CSMD1: variants seen among roughly 807,000 people sequenced by gnomAD.
The protein encoded by CSMD1 is CUB and sushi domain-containing protein 1.
CSMD1 carries 213 observed loss-of-function variants against 417.5 expected under a neutral mutation model. That is an observed-to-expected ratio of 0.51 (90% CI 0.46 to 0.57). CSMD1 has a LOEUF of 0.57. Among genes scored for constraint, CSMD1 ranks in the 20% least tolerant of loss-of-function variants. The pLI is 0.00. For missense variants in CSMD1, 6,923 were observed against 4,529.7 expected (o/e 1.53, Z -15.17); for synonymous variants, 2,862 against 1,736.8 (o/e 1.65, Z -16.11).
At chr8:4,860,747 G>A (rs1490928759) in intron 1 of CSMD1, among the ~76,000 whole-genome samples, 1 of 152,036 alleles carries the variant, frequency 6.6e-6, no homozygotes, top group Non-Finnish European at 1.5e-5. Context: ...TCTTCGTATG[G>A]GCATACGTTC....
At chr8:4,168,312 C>A (rs1351424659) in intron 3 of CSMD1, among the ~76,000 whole-genome samples, 1 of 151,836 alleles carries the variant, frequency 6.6e-6, no homozygotes, top group Non-Finnish European at 1.5e-5. Context: ...AAAGGGCTCC[C>A]TTGAGACCAA....
At chr8:3,717,713 T>C (rs1327904929) in intron 6 of CSMD1, among the ~76,000 whole-genome samples, 1 of 152,202 alleles carries the variant, frequency 6.6e-6, no homozygotes, top group Non-Finnish European at 1.5e-5. Flanking sequence ...ATTGGTAGAA[T>C]AAAAATAAAG....
chr8:3,928,279 T>C (rs1021169037), intron 5 of CSMD1, among the ~76,000 whole-genome samples: 2 of 152,218 alleles, frequency 1.3e-5, no homozygotes, highest in Admixed American at 6.5e-5. Context: ...GTGATATAAA[T>C]GTTACATTGA....
intron 41 of CSMD1, among the ~76,000 whole-genome samples, chr8:3,133,104 C>T (rs1183512424): frequency 6.6e-6 from 1 of 152,232 alleles, no homozygotes; most frequent in Non-Finnish European, 1.5e-5. Flanking sequence ...CTTCCCCAGG[C>T]CCCTGGATGT....
intron 5 of CSMD1, among the ~76,000 whole-genome samples, chr8:3,823,077 G>C (rs958331313): frequency 1.3e-5 from 2 of 152,210 alleles, no homozygotes; most frequent in African/African-American, 2.4e-5. Flanking sequence ...ATTTCAAGAG[G>C]AATAAATTAC....
intron 1 of CSMD1, among the ~76,000 whole-genome samples, chr8:4,731,215 G>T (rs1809842783): frequency 6.6e-6 from 1 of 152,160 alleles, no homozygotes; most frequent in African/African-American, 2.4e-5. Context: ...GCGAGAATCA[G>T]TCCTTTCCCA....
chr8:4,372,491 C>CAAAA (rs141342544), intron 3 of CSMD1, among the ~76,000 whole-genome samples: 27 of 151,568 alleles, frequency 1.8e-4, no homozygotes, highest in Non-Finnish European at 2.2e-4. Flanking sequence ...AAAACAACAA[C>CAAAA]AACAAAAAAC....
intron 2 of CSMD1, among the ~76,000 whole-genome samples, chr8:4,599,734 T>C (rs1347125550): frequency 1.3e-5 from 2 of 152,202 alleles, no homozygotes; most frequent in Non-Finnish European, 2.9e-5. Context: ...ACCAGCTTTC[T>C]TTAATTCCAA....
At chr8:3,380,110 T>C (rs1366402184) in intron 18 of CSMD1, among the ~76,000 whole-genome samples, 2 of 152,152 alleles carry the variant, frequency 1.3e-5, no homozygotes, top group Non-Finnish European at 2.9e-5. Context: ...AAAGAAGACA[T>C]TTATGCAGCC....
At chr8:4,883,054 T>C (rs76116685) in intron 1 of CSMD1, among the ~76,000 whole-genome samples, 1,781 of 152,172 alleles carry the variant, frequency 0.012, 46 homozygotes, top group African/African-American at 0.041. Context: ...TAGAGTGCTA[T>C]GGATTACTTA....
intron 2 of CSMD1, among the ~76,000 whole-genome samples, chr8:4,507,656 G>A (rs1468409839): frequency 2.0e-5 from 3 of 152,144 alleles, no homozygotes; most frequent in Admixed American, 6.6e-5. Flanking sequence ...TTAAGTGGGA[G>A]ATATCTGAGC....
intron 7 of CSMD1, among the ~76,000 whole-genome samples, chr8:3,671,311 T>G (rs1300292840): frequency 1.3e-5 from 2 of 148,220 alleles, no homozygotes; most frequent in Non-Finnish European, 3.0e-5. Flanking sequence ...TGATAAATGC[T>G]AACATTAGTT....
intron 67 of CSMD1, 42 bp from the exon 68 acceptor site, chr8:2,949,428 C>T (rs559219001): frequency 1.3e-4 from 64 of 481,242 alleles, no homozygotes; most frequent in East Asian, 8.6e-4. Context: ...AAAAGGTATA[C>T]GAAGGGATGA....
intron 5 of CSMD1, among the ~76,000 whole-genome samples, chr8:3,954,192 T>G (rs77009260): frequency 2.4e-3 from 358 of 152,250 alleles, no homozygotes; most frequent in African/African-American, 8.2e-3. Flanking sequence ...AAGAAGGAAT[T>G]TGACTGAGGG....
intron 7 of CSMD1, among the ~76,000 whole-genome samples, chr8:3,626,961 G>C (rs901674881): frequency 5.9e-5 from 9 of 151,524 alleles, no homozygotes; most frequent in Admixed American, 5.3e-4. Context: ...CAGTTATACA[G>C]TGTTTAGTAT....
intron 5 of CSMD1, among the ~76,000 whole-genome samples, chr8:3,934,690 C>T (rs541695449): frequency 5.3e-5 from 8 of 152,066 alleles, no homozygotes; most frequent in Admixed American, 5.2e-4. Context: ...CCTGTCTCTA[C>T]TAAACATGCA....
At chr8:3,538,483 AGATGCCTCACCTGC>A (rs887787892) in intron 10 of CSMD1, among the ~76,000 whole-genome samples, 6 of 151,872 alleles carry the variant, frequency 4.0e-5, no homozygotes, top group East Asian at 1.9e-4. Flanking sequence ...GATACACCTG[AGATGCCTCACCTGC>A]GATGCCTCAC....
chr8:3,418,892 C>A (rs914738771), intron 12 of CSMD1, among the ~76,000 whole-genome samples: 1 of 152,038 alleles, frequency 6.6e-6, no homozygotes. Flanking sequence ...AATACAACAG[C>A]CAAGGTAGTA....
At chr8:3,121,972 G>C (rs535485922) in intron 41 of CSMD1, among the ~76,000 whole-genome samples, 4 of 152,186 alleles carry the variant, frequency 2.6e-5, no homozygotes, top group African/African-American at 9.6e-5. Flanking sequence ...TAGAGAATTA[G>C]CTGTATTTTA....
Sources: gnomAD v4.1 joint callset for allele counts (sites outside exome capture counted in the v4.1 genomes callset) on GRCh38, gnomAD v4.1.1 for gene constraint, MANE v1.5 for transcripts, NCBI Gene and HGNC (gene_info 2026-07-23, HGNC 2026-07-21) for gene names.